The following RGS9 variants were observed in gnomAD, a reference collection of about 807,000 sequenced individuals.
RGS9 encodes the protein regulator of G protein signaling 9.
A neutral mutation model predicts 102.0 loss-of-function variants in RGS9; 78 were observed. The ratio of observed to expected loss-of-function variants is 0.76; its 90% CI spans 0.64 to 0.92. The LOEUF (loss-of-function observed/expected upper bound fraction) is 0.92, where lower values mean the gene tolerates loss of function less well. RGS9 is among the 40% of genes least tolerant of loss of function. RGS9 has a pLI of 0.00. For synonymous variants in RGS9, 353 were observed against 318.6 expected, an observed-to-expected ratio of 1.11 and a Z score of -1.15; for missense variants, 833 against 866.1, an observed-to-expected ratio of 0.96 and a Z score of 0.48.
intron 2 of RGS9, among the ~76,000 whole-genome samples, chr17:65,154,432 A>T (rs1194129478): frequency 6.6e-6 from 1 of 152,178 alleles, no homozygotes; most frequent in African/African-American, 2.4e-5. Context: ...TCTTGAAGCC[A>T]TTCCTCCCAG....
At chr17:65,161,957 C>T (rs1046692190) in intron 6 of RGS9, among the ~76,000 whole-genome samples, 3 of 152,100 alleles carry the variant, frequency 2.0e-5, no homozygotes, top group East Asian at 3.9e-4. Context: ...CTCAGCCTCC[C>T]GAAGTGCTGG....
At chr17:65,212,243 A>G (rs55686226) in intron 17 of RGS9, among the ~76,000 whole-genome samples, 12,511 of 152,294 alleles carry the variant, frequency 0.082, 569 homozygotes, top group Middle Eastern at 0.13. Context: ...TCAAAGTCTC[A>G]TGGCGAAAGA....
At chr17:65,215,933 G>A (rs945139582) in intron 17 of RGS9, among the ~76,000 whole-genome samples, 5 of 152,102 alleles carry the variant, frequency 3.3e-5, no homozygotes, top group African/African-American at 1.2e-4. Context: ...GAAAGAGACA[G>A]ACACACTGTA....
At chr17:65,197,357 G>A in intron 13 of RGS9, 116 bp downstream of exon 13, 1 of 742,748 alleles carries the variant, frequency 1.3e-6, no homozygotes, top group Admixed American at 2.1e-5. Flanking sequence ...CTTTGCTTAT[G>A]CCCTTAAACA....
Position 65,225,075 on chromosome 17 carries a change from G to A in RGS9, c.1481G>A (p.Ser494Asn). ...ACCTGCATGCCCCCGTCTCCTTCTA[G>A]CCCCTTCTCCTCCTCCTGCCGCTCC... Reference protein sequence around the residue: ...TGTCMPPSPSSPFSSSCRSPR... With the variant: ...TGTCMPPSPSNPFSSSCRSPR... Residue 494 changes from serine to asparagine, a missense_variant, in exon 18 of 19, where the codon AGC (serine) becomes AAC (asparagine). By Grantham distance (46) the Ser-to-Asn change is conservative. Coordinates refer to ENST00000262406, the MANE Select transcript of RGS9 (RefSeq NM_003835.4). 6.2e-7 allele frequency: 1 copy of A among 1,613,854 alleles called. No individual in the cohort carries two copies. The highest frequency in any genetic ancestry group is 8.5e-7 in the Non-Finnish European group (1 of 1,179,992).
intron 1 of RGS9, among the ~76,000 whole-genome samples, chr17:65,145,048 G>A (rs1233232317): frequency 2.0e-5 from 3 of 152,022 alleles, no homozygotes; most frequent in African/African-American, 4.8e-5. Flanking sequence ...CTGGTCATAG[G>A]GGATTAGGGT....
chr17:65,149,141 TG>T (rs11289286), intron 1 of RGS9, among the ~76,000 whole-genome samples: 40,229 of 148,268 alleles, frequency 0.27, 7,192 homozygotes, highest in African/African-American at 0.53. Context: ...TTTTTTTTGT[TG>T]TTGTTATGTT....
At chr17:65,218,987 C>T (rs1006369941) in intron 17 of RGS9, among the ~76,000 whole-genome samples, 1 of 152,166 alleles carries the variant, frequency 6.6e-6, no homozygotes, top group East Asian at 1.9e-4. Flanking sequence ...GAAGGGTTGG[C>T]AAGGACTGCT....
chr17:65,172,980 T>C (rs536476583), intron 8 of RGS9, among the ~76,000 whole-genome samples: 1 of 151,978 alleles, frequency 6.6e-6, no homozygotes, highest in South Asian at 2.1e-4. Flanking sequence ...TGGAGTGCAA[T>C]GGCGTGATCT....
chr17:65,175,613 T>G (rs779534502), intron 8 of RGS9, among the ~76,000 whole-genome samples: 35 of 152,274 alleles, frequency 2.3e-4, no homozygotes, highest in Non-Finnish European at 4.3e-4. Flanking sequence ...CAGCACAATG[T>G]CCGGCACATA....
At chr17:65,212,248 G>C (rs150778982) in intron 17 of RGS9, among the ~76,000 whole-genome samples, 2 of 152,198 alleles carry the variant, frequency 1.3e-5, no homozygotes, top group African/African-American at 4.8e-5. Flanking sequence ...GTCTCATGGC[G>C]AAAGATGGAT....
chr17:65,225,502 G>A lies in RGS9; in HGVS notation c.1892+16G>A. On this transcript the variant is annotated intron_variant, in intron 18 of 18. Transcript: ENST00000262406. ...GAGTAGCAAAGTAAGAACCCGAAGG[G>A]GACGTGCCGTATGCATGGGTGGCTG... is the stretch of plus-strand genomic sequence containing the variant. The A allele has an allele frequency of 6.3e-7, 1 of 1,599,918 alleles. No individual in the cohort carries two copies. Among genetic ancestry groups the A allele is most frequent in the Non-Finnish European group, 8.5e-7 (1 of 1,179,870 alleles).
intron 8 of RGS9, among the ~76,000 whole-genome samples, chr17:65,174,774 A>G (rs910236487): frequency 6.6e-6 from 1 of 152,296 alleles, no homozygotes; most frequent in Middle Eastern, 3.4e-3. Context: ...TATAAAGGAA[A>G]GAGGTTTAAT....
At chr17:65,160,816 A>C (rs1319490949) in intron 5 of RGS9, 35 bp from the exon 6 acceptor site, 13 of 1,607,616 alleles carry the variant, frequency 8.1e-6, no homozygotes, top group Non-Finnish European at 1.1e-5. Flanking sequence ...GTTTTGAAAG[A>C]TGATGATGGA....
chr17:65,175,492 G>A (rs1253569533), intron 8 of RGS9, among the ~76,000 whole-genome samples: 1 of 152,122 alleles, frequency 6.6e-6, no homozygotes, highest in Non-Finnish European at 1.5e-5. Context: ...TTTATCCTTT[G>A]TGTGATTAAT....
chr17:65,154,791 A>G (rs1910707909), intron 2 of RGS9, among the ~76,000 whole-genome samples: 1 of 152,222 alleles, frequency 6.6e-6, no homozygotes. Flanking sequence ...ACTTAGGCGT[A>G]TTGCCTGCAG....
chr17:65,193,144 G>C (rs982884532), intron 11 of RGS9, among the ~76,000 whole-genome samples: 4 of 150,422 alleles, frequency 2.7e-5, no homozygotes, highest in African/African-American at 7.4e-5. Context: ...GGTGGTGCGC[G>C]TCTGTGATCC....
At chr17:65,227,222 C>T (rs977428663) in intron 18 of RGS9, 53 bp from the exon 19 acceptor site, 18 of 1,612,698 alleles carry the variant, frequency 1.1e-5, no homozygotes, top group Non-Finnish European at 1.4e-5. Flanking sequence ...TGGGGAGGTG[C>T]AGTCCCTCCT....
In RGS9 at chr17:65,221,466, G is replaced by A. The variant is rs538111066; in HGVS notation, c.1408-3536G>A. Among the ~76,000 whole-genome samples, 4 of 152,238 alleles carry A rather than the reference G, an allele frequency of 2.6e-5. No homozygotes were observed. The South Asian group carries it at 8.3e-4, about 32-fold the overall frequency. ...CGAGTTCCTAGTTTTGGTATTTTTG[G>A]ATGGCAATGTGAATCAGCAAGGAAA... is the stretch of plus-strand genomic sequence containing the variant. On this transcript the variant is annotated intron_variant, in intron 17 of 18. Coordinates refer to ENST00000262406, the MANE Select transcript of RGS9 (RefSeq NM_003835.4).
Sources: gnomAD v4.1 joint callset for allele counts (sites outside exome capture counted in the v4.1 genomes callset) on GRCh38, gnomAD v4.1.1 for gene constraint, MANE v1.5 for transcripts, NCBI Gene and HGNC (gene_info 2026-07-23, HGNC 2026-07-21) for gene names.